Variants in PCGF5 observed in about 807,000 individuals in gnomAD.
The protein encoded by PCGF5 is polycomb group ring finger 5.
In PCGF5, 9 loss-of-function variants were observed where a neutral mutation model predicts 44.3. The observed-to-expected ratio is 0.20, with a 90% CI of 0.12 to 0.35. The LOEUF is 0.35. Ranked by LOEUF, PCGF5 falls within the 10% of genes least tolerant of loss-of-function variation. The pLI is 1.00. For synonymous variants in PCGF5, 95 were observed against 102.5 expected (o/e 0.93, Z 0.44); for missense variants, 146 against 305.3 (o/e 0.48, Z 3.89).
intron 1 of PCGF5, among the ~76,000 whole-genome samples, chr10:91,204,720 C>T (rs11186501): frequency 0.25 from 38,475 of 152,130 alleles, 5,759 homozygotes; most frequent in East Asian, 0.7. Flanking sequence ...ATTATTGCCA[C>T]GTCCTGCCCT....
At chr10:91,249,399 A>G (rs1358206304) in intron 5 of PCGF5, among the ~76,000 whole-genome samples, 1 of 130,938 alleles carries the variant, frequency 7.6e-6, no homozygotes, top group South Asian at 2.5e-4. Flanking sequence ...ATATATATAT[A>G]TATATATATA....
chr10:91,182,533 G>A (rs1047236798), intron 1 of PCGF5, among the ~76,000 whole-genome samples: 5 of 151,974 alleles, frequency 3.3e-5, no homozygotes, highest in Non-Finnish European at 7.4e-5. Flanking sequence ...GGTTTTTCAT[G>A]TCACGATCTC....
At chr10:91,157,925 AGTAGAAG>A in the PCGF5 span, among the ~76,000 whole-genome samples, 1 of 152,232 alleles carries the variant, frequency 6.6e-6, no homozygotes. Context: ...AATTAGAGGA[AGTAGAAG>A]GTAGATTTCA....
chr10:91,204,520 A>T (rs923219805), intron 1 of PCGF5, among the ~76,000 whole-genome samples: 1 of 152,178 alleles, frequency 6.6e-6, no homozygotes, highest in Non-Finnish European at 1.5e-5. Context: ...CATTTTCACA[A>T]ACAGCCTGTT....
intron 7 of PCGF5, among the ~76,000 whole-genome samples, chr10:91,261,853 G>T (rs12244459): frequency 4.6e-5 from 7 of 152,014 alleles, no homozygotes. Context: ...TCACATTTCC[G>T]TGAAATGCAG....
chr10:91,161,474 AG>A (rs1252719950), upstream of PCGF5, among the ~76,000 whole-genome samples: 3 of 152,192 alleles, frequency 2.0e-5, no homozygotes, highest in African/African-American at 4.8e-5. Flanking sequence ...ACTACCTAAC[AG>A]GGCCGGAAGG....
intron 6 of PCGF5, among the ~76,000 whole-genome samples, chr10:91,260,994 A>AAT (rs1359812220): frequency 1.4e-4 from 21 of 151,726 alleles, no homozygotes; most frequent in African/African-American, 5.1e-4. Flanking sequence ...AATAATAAAA[A>AAT]ATATATATAT....
upstream of PCGF5, among the ~76,000 whole-genome samples, chr10:91,161,956 T>C (rs1843392518): frequency 6.6e-6 from 1 of 151,850 alleles, no homozygotes; most frequent in African/African-American, 2.4e-5. Flanking sequence ...GTCAGAATGA[T>C]GCCAGCCACA....
chr10:91,248,571 C>T lies in PCGF5; in HGVS notation c.265+11C>T. Reference sequence around the variant, plus strand: ...CTGGACTACGAGAACGTAAGTGGCTCTTTAGGTTCTTGCAGACTTTTGTGT... The same window carrying T: ...CTGGACTACGAGAACGTAAGTGGCTTTTTAGGTTCTTGCAGACTTTTGTGT... On this transcript the variant is annotated intron_variant, in intron 4 of 9. Transcript: ENST00000336126. 1.2e-6 allele frequency: 2 copies of T among 1,611,702 alleles called. No individual in the cohort carries two copies. Among genetic ancestry groups the T allele is most frequent in the Admixed American group, 1.7e-5 (1 of 59,900 alleles).
At position 91,284,009 on chromosome 10, in the gene PCGF5, A is replaced by G. The variant is rs1327170033; in HGVS notation, c.*5693A>G. The G allele has an allele frequency of 6.6e-6, 1 of 152,652 alleles. No individual in the cohort carries two copies. The highest frequency in any genetic ancestry group is 1.5e-5 in the Non-Finnish European group (1 of 68,044). 9.5% of individuals were successfully genotyped at this position (152,652 alleles called of 1,614,324 possible). A position where few individuals can be genotyped will look rare whatever the true frequency, so the allele number is the denominator to read the frequency against. On this transcript the variant is annotated 3_prime_UTR_variant, in exon 10 of 10. Transcript: ENST00000336126. Reference sequence around the variant, plus strand: ...GAATATATGTATTTTTGTAAAGGAAAAGCACTTGTAGATATTTAATCAGTA... The same window carrying G: ...GAATATATGTATTTTTGTAAAGGAAGAGCACTTGTAGATATTTAATCAGTA...
chr10:91,205,317 G>A (rs1185347477), intron 1 of PCGF5, among the ~76,000 whole-genome samples: 1 of 151,622 alleles, frequency 6.6e-6, no homozygotes, highest in African/African-American at 2.4e-5. Flanking sequence ...ACACGGCCCA[G>A]CTAACATGGA....
intron 1 of PCGF5, among the ~76,000 whole-genome samples, chr10:91,184,325 A>G (rs1843877157): frequency 6.6e-6 from 1 of 151,976 alleles, no homozygotes; most frequent in South Asian, 2.1e-4. Context: ...TTAAGCTCTG[A>G]GATTCCTCTA....
chr10:91,234,884 T>C (rs1845113005), intron 2 of PCGF5, among the ~76,000 whole-genome samples: 1 of 152,234 alleles, frequency 6.6e-6, no homozygotes, highest in African/African-American at 2.4e-5. Flanking sequence ...CAACATTATC[T>C]GGAACAACTA....
At chr10:91,247,706 A>G (rs751662139) in intron 3 of PCGF5, among the ~76,000 whole-genome samples, 8 of 152,182 alleles carry the variant, frequency 5.3e-5, no homozygotes, top group Non-Finnish European at 1.0e-4. Context: ...TAAAGTTTTC[A>G]TTTCAGAAGG....
intron 1 of PCGF5, among the ~76,000 whole-genome samples, chr10:91,198,595 C>T (rs910422119): frequency 2.0e-5 from 3 of 152,220 alleles, no homozygotes; most frequent in African/African-American, 7.2e-5. Context: ...GACCTGCCTA[C>T]GGGCTGCAGA....
chr10:91,179,806 A>T (rs941061380), intron 1 of PCGF5, among the ~76,000 whole-genome samples: 1 of 152,200 alleles, frequency 6.6e-6, no homozygotes, highest in Non-Finnish European at 1.5e-5. Context: ...GCTGTGATAA[A>T]CATATGCATG....
upstream of PCGF5, among the ~76,000 whole-genome samples, chr10:91,217,187 C>T (rs909355206): frequency 6.6e-6 from 1 of 152,204 alleles, no homozygotes; most frequent in African/African-American, 2.4e-5. Flanking sequence ...GCACCTGCCA[C>T]CACGCCCTGC....
At chr10:91,160,767 G>A (rs1447192082), upstream of PCGF5, among the ~76,000 whole-genome samples, 3 of 152,214 alleles carry the variant, frequency 2.0e-5, no homozygotes, top group Non-Finnish European at 2.9e-5. Flanking sequence ...AACGGTAATG[G>A]AAGCAGAAGG....
intron 1 of PCGF5, among the ~76,000 whole-genome samples, chr10:91,183,360 T>C (rs1158036358): frequency 2.0e-5 from 3 of 152,206 alleles, no homozygotes; most frequent in African/African-American, 7.2e-5. Context: ...TTTGTCTTTT[T>C]TAATCTTTGT....
Sources: allele counts gnomAD v4.1 joint callset (sites outside exome capture counted in the v4.1 genomes callset), GRCh38; gene constraint gnomAD v4.1.1; transcripts MANE v1.5; gene names NCBI Gene and HGNC (gene_info 2026-07-23, HGNC 2026-07-21).